The following AACS variants were observed in gnomAD, a reference collection of about 807,000 sequenced individuals.
AACS encodes acetoacetate-CoA ligase.
AACS carries 69 observed loss-of-function variants against 83.1 expected under a neutral mutation model. That is an observed-to-expected ratio of 0.83 (90% CI 0.68 to 1.01). AACS has a LOEUF of 1.01. Among genes scored for constraint, AACS ranks in the 50% least tolerant of loss-of-function variants. AACS has a pLI of 0.00. For synonymous variants in AACS, 333 were observed against 343.4 expected (o/e 0.97, Z 0.33); for missense variants, 866 against 882.2 (o/e 0.98, Z 0.23).
chr12:125,129,532 C>A lies in AACS; in HGVS notation c.1549+72C>A. The A allele has an allele frequency of 4.6e-6, 7 of 1,530,660 alleles. No homozygotes were observed. In the South Asian group the frequency reaches 6.4e-5, roughly 14 times the overall value. The allele number at this position is 1,530,660 out of a possible 1,614,324, so 94.8% of individuals were successfully genotyped here. The stretch of plus-strand genomic sequence containing the variant: ...TGGGCCTTCTGTGTCTAATTCTGTA[C>A]CATCGTGCCCCTCCCCTCTTCCTTC... On this transcript the variant is annotated intron_variant, in intron 14 of 17. Coordinates refer to ENST00000316519, the MANE Select transcript of AACS (RefSeq NM_023928.5). The surrounding 1 kb of genome is among the most constrained non-coding windows in gnomAD (Gnocchi z 4.3).
chr12:125,134,051 G>T lies in AACS; in HGVS notation c.1598G>T (p.Gly533Val). The T allele has an allele frequency of 6.2e-7, 1 of 1,614,084 alleles. No homozygotes were observed. The highest frequency in any genetic ancestry group is 8.5e-7 in the Non-Finnish European group (1 of 1,180,002). ...DYCRINPKTGGIVMLGRSDGT... is the reference protein window; with the variant it reads ...DYCRINPKTGVIVMLGRSDGT... Reference sequence around the variant, plus strand: ...TGCAGAATCAACCCCAAGACCGGGGGCATCGTCATGCTTGGCCGGAGGTAA... The same window carrying T: ...TGCAGAATCAACCCCAAGACCGGGGTCATCGTCATGCTTGGCCGGAGGTAA... Residue 533 changes from glycine (G) to valine (V), a missense_variant, in exon 15 of 18, where the codon GGC becomes GTC. Physicochemically the swap from Gly to Val is moderately radical, Grantham distance 109 (BLOSUM62 -3). Coordinates refer to ENST00000316519, the MANE Select transcript of AACS (RefSeq NM_023928.5).
intron 13 of AACS, 134 bp downstream of exon 13, chr12:125,128,408 T>A: frequency 1.4e-6 from 1 of 713,052 alleles, no homozygotes; most frequent in Non-Finnish European, 2.2e-6. Flanking sequence ...TCACTTGCAG[T>A]GTGATGTCCT....
intron 3 of AACS, chr12:125,078,263 G>A (rs7303092): frequency 0.99 from 453,790 of 456,234 alleles, 225,721 homozygotes; most frequent in East Asian, 1. Context: ...CACATCTTCC[G>A]GGGCTGGGGC....
intron 1 of AACS, among the ~76,000 whole-genome samples, chr12:125,072,313 T>G (rs1955891640): frequency 2.0e-5 from 3 of 152,130 alleles, no homozygotes; most frequent in African/African-American, 7.2e-5. Flanking sequence ...TTGTCCAACA[T>G]AACTGAGGAC....
At chr12:125,137,734 CTGTG>C (rs375255258) in intron 17 of AACS, among the ~76,000 whole-genome samples, 1 of 152,026 alleles carries the variant, frequency 6.6e-6, no homozygotes. Flanking sequence ...ACAGAAGCTG[CTGTG>C]TGTGTGTGAG....
At chr12:125,114,057 C>G (rs1003110368) in intron 8 of AACS, among the ~76,000 whole-genome samples, 2 of 151,948 alleles carry the variant, frequency 1.3e-5, no homozygotes, top group Non-Finnish European at 2.9e-5. Context: ...CCCCTCACCC[C>G]GCTGTTCCCT....
intron 14 of AACS, among the ~76,000 whole-genome samples, chr12:125,131,492 A>G (rs1292729693): frequency 1.3e-5 from 2 of 152,036 alleles, no homozygotes; most frequent in Non-Finnish European, 2.9e-5. Context: ...GATTACTAGC[A>G]TGAGCCACCA....
intron 17 of AACS, chr12:125,138,880 G>A (rs1170527407): frequency 2.4e-5 from 3 of 124,994 alleles, no homozygotes; most frequent in African/African-American, 5.0e-5. Flanking sequence ...GAGGTGACAC[G>A]GCGTGGCCCC....
At chr12:125,101,393 A>G (rs2136090344) in intron 5 of AACS, 1 of 152,284 alleles carries the variant, frequency 6.6e-6, no homozygotes, top group Middle Eastern at 3.4e-3. Context: ...GGGTGTGGTG[A>G]TCCTGCCTTT....
Position 125,114,454 on chromosome 12 carries a change from G to T in AACS, c.916-23G>T, listed in dbSNP as rs370308389. ...ACTGTATGCCTAACAGAGAGCACCCGCTCCCCCGTGTCTCCCCTGCAGGGC... is the reference window on the plus strand; with the variant it reads ...ACTGTATGCCTAACAGAGAGCACCCTCTCCCCCGTGTCTCCCCTGCAGGGC... On this transcript the variant is annotated intron_variant, in intron 8 of 17. Coordinates refer to ENST00000316519, the MANE Select transcript of AACS (RefSeq NM_023928.5). 3 of 1,607,976 alleles carry T rather than the reference G, an allele frequency of 1.9e-6. No homozygotes were observed. In the South Asian group the frequency reaches 3.3e-5, roughly 18 times the overall value.
intron 7 of AACS, among the ~76,000 whole-genome samples, chr12:125,104,174 A>G (rs56394386): frequency 0.54 from 81,963 of 151,742 alleles, 22,642 homozygotes; most frequent in African/African-American, 0.66. Context: ...GTTTACCCCC[A>G]CGGGGTAAGC....
At chr12:125,133,731 G>T (rs1327269042) in intron 14 of AACS, among the ~76,000 whole-genome samples, 3 of 152,256 alleles carry the variant, frequency 2.0e-5, no homozygotes, top group Non-Finnish European at 4.4e-5. Flanking sequence ...GCCGAGCTTG[G>T]TCCTGCCCTC....
rs758527529 is a variant in AACS, at chr12:125,136,798, C to A, written c.1815C>A (p.Asp605Glu). The change falls in exon 17 of 18, where the codon GAC becomes GAA. Residue 605 changes from aspartate (D) to glutamate (E), a missense_variant. Transcript: ENST00000316519. ...CTGACTTGGTTAAGAGGATCCGTGA[C>A]GCCATCCGCATGGGCTTGTCTGCGC... Reference protein sequence around the residue: ...FQPDLVKRIRDAIRMGLSARH... With the variant: ...FQPDLVKRIREAIRMGLSARH... 6.2e-7 allele frequency: 1 copy of A among 1,614,096 alleles called. No individual in the cohort carries two copies. Among genetic ancestry groups the A allele is most frequent in the East Asian group, 2.2e-5 (1 of 44,856 alleles).
In AACS at chr12:125,098,935, G is replaced by A. The variant is rs145473813; in HGVS notation, c.571-3744G>A. Among the ~76,000 whole-genome samples the A allele has an allele frequency of 3.0e-3, 452 of 152,296 alleles. 1 individual carries two copies. Among genetic ancestry groups the A allele is most frequent in the Non-Finnish European group, 4.9e-3 (333 of 68,030 alleles). On this transcript the variant is annotated intron_variant, in intron 5 of 17. Transcript: ENST00000316519. ...GCAAACTGTTTCTAGTTCCCACCCC[G>A]GGACGTAGGTGGGGGTGTTCGGCAC...
chr12:125,114,467 T>TC lies in AACS; in HGVS notation c.916-6dup. The TC allele has an allele frequency of 6.2e-7, 1 of 1,611,694 alleles. No individual in the cohort carries two copies. Among genetic ancestry groups the TC allele is most frequent in the Non-Finnish European group, 8.5e-7 (1 of 1,179,020 alleles). On this transcript the variant is annotated splice_polypyrimidine_tract_variant and intron_variant, in intron 8 of 17. Coordinates refer to ENST00000316519, the MANE Select transcript of AACS (RefSeq NM_023928.5). Reference sequence around the variant, plus strand: ...CAGAGAGCACCCGCTCCCCCGTGTCTCCCCTGCAGGGCACCCTCATCCAGC... The same window carrying TC: ...CAGAGAGCACCCGCTCCCCCGTGTCTCCCCCTGCAGGGCACCCTCATCCAGC...
intron 3 of AACS, among the ~76,000 whole-genome samples, chr12:125,080,396 C>T (rs1025163965): frequency 6.6e-5 from 10 of 152,018 alleles, no homozygotes; most frequent in African/African-American, 9.7e-5. Context: ...TACTTGATTC[C>T]TAGTGATGAC....
intron 4 of AACS, among the ~76,000 whole-genome samples, chr12:125,090,572 T>C (rs1238238467): frequency 6.6e-6 from 1 of 151,796 alleles, no homozygotes; most frequent in African/African-American, 2.4e-5. Context: ...CTTCCATTCA[T>C]CATCCCTCAT....
chr12:125,142,457 G>A lies in AACS; in HGVS notation c.*228G>A, dbSNP rs117276868. On this transcript the variant is annotated 3_prime_UTR_variant, in exon 18 of 18. Coordinates refer to ENST00000316519, the MANE Select transcript of AACS (RefSeq NM_023928.5). ...GAGACCAGGAGGGAGTGTCTGGGCC[G>A]CAGGTGTGGCACTGTGGTGAGAGTG... 6,616 of 577,488 alleles carry A rather than the reference G, an allele frequency of 0.011. 50 individuals are homozygous for A. The highest frequency in any genetic ancestry group is 0.016 in the Non-Finnish European group (5,160 of 331,370). The allele number at this position is 577,488 out of a possible 1,614,324, so 35.8% of individuals were successfully genotyped here.
chr12:125,082,137 G>C (rs1441668098), intron 3 of AACS, among the ~76,000 whole-genome samples: 2 of 150,790 alleles, frequency 1.3e-5, no homozygotes, highest in African/African-American at 4.9e-5. Context: ...CCAAAGTGCT[G>C]AGATTACAGG....
Sources: allele counts gnomAD v4.1 joint callset (sites outside exome capture counted in the v4.1 genomes callset), GRCh38; gene constraint gnomAD v4.1.1; non-coding constraint Gnocchi (gnomAD v3.1); transcripts MANE v1.5; gene names NCBI Gene and HGNC (gene_info 2026-07-23, HGNC 2026-07-21).